Variants in BRD10 observed in about 807,000 individuals in gnomAD.
The protein encoded by BRD10 is uncharacterized bromodomain-containing protein 10.
the BRD10 span, among the ~76,000 whole-genome samples, chr9:5,884,220 C>G: frequency 1.3e-5 from 2 of 152,212 alleles, no homozygotes; most frequent in African/African-American, 4.8e-5. Flanking sequence ...TCATGGCCAC[C>G]TGGGAGGTAG....
the BRD10 span, among the ~76,000 whole-genome samples, chr9:5,999,903 C>T: frequency 7.1e-6 from 1 of 140,208 alleles, no homozygotes; most frequent in Non-Finnish European, 1.5e-5. Flanking sequence ...CCACATACTA[C>T]CTTCTTGCAT....
At chr9:5,944,837 CAATAAT>C in the BRD10 span, 2 of 1,045,178 alleles carry the variant, frequency 1.9e-6, no homozygotes, top group Admixed American at 5.4e-5. Context: ...TTAATGCTGA[CAATAAT>C]AGATAGAACT....
At chr9:5,894,100 A>G in the BRD10 span, among the ~76,000 whole-genome samples, 1 of 152,060 alleles carries the variant, frequency 6.6e-6, no homozygotes, top group African/African-American at 2.4e-5. The surrounding 1 kb of genome is among the most constrained non-coding windows in gnomAD (Gnocchi z 4.0). Context: ...TATTTGCACA[A>G]TCCCATCCGA....
the BRD10 span, among the ~76,000 whole-genome samples, chr9:6,006,186 T>G: frequency 6.6e-6 from 1 of 152,224 alleles, no homozygotes; most frequent in Non-Finnish European, 1.5e-5. Flanking sequence ...TGGCTAACTA[T>G]GGGAGCAGCA....
chr9:5,944,695 T>C, the BRD10 span, among the ~76,000 whole-genome samples: 1 of 151,946 alleles, frequency 6.6e-6, no homozygotes, highest in Non-Finnish European at 1.5e-5. Context: ...ACGATTTCTG[T>C]CTATTAAAAA....
At chr9:5,880,014 G>A in the BRD10 span, among the ~76,000 whole-genome samples, 1 of 151,662 alleles carries the variant, frequency 6.6e-6, no homozygotes, top group African/African-American at 2.4e-5. Flanking sequence ...CCGCCTCCCG[G>A]GTTCCAGAGA....
the BRD10 span, among the ~76,000 whole-genome samples, chr9:6,006,722 A>G: frequency 2.0e-5 from 3 of 152,250 alleles, no homozygotes; most frequent in Non-Finnish European, 4.4e-5. Flanking sequence ...ATCTTCGATG[A>G]CCGACATGGG....
the BRD10 span, among the ~76,000 whole-genome samples, chr9:5,881,339 G>A: frequency 3.4e-4 from 52 of 152,334 alleles, 1 homozygote; most frequent in African/African-American, 1.2e-3. Context: ...TAAAAGACCA[G>A]GTCTTGTGGG....
At chr9:5,921,454 AG>A in the BRD10 span, 1 of 1,613,998 alleles carries the variant, frequency 6.2e-7, no homozygotes, top group Non-Finnish European at 8.5e-7. Flanking sequence ...ATGTACCACT[AG>A]GAACTGGGGC....
the BRD10 span, among the ~76,000 whole-genome samples, chr9:5,930,727 C>T: frequency 6.6e-6 from 1 of 152,024 alleles, no homozygotes; most frequent in Admixed American, 6.6e-5. Flanking sequence ...TCTAGATAGG[C>T]CTCTTTCTTG....
the BRD10 span, among the ~76,000 whole-genome samples, chr9:5,925,010 T>C: frequency 1.5e-4 from 23 of 152,312 alleles, no homozygotes; most frequent in African/African-American, 4.8e-4. Context: ...GTCTTGCCAA[T>C]GCTCAGGAAG....
At chr9:5,882,055 T>C in the BRD10 span, among the ~76,000 whole-genome samples, 4 of 152,234 alleles carry the variant, frequency 2.6e-5, no homozygotes, top group Admixed American at 2.6e-4. Context: ...CATAGTCTCC[T>C]GCAGGATTTT....
At chr9:5,889,947 C>T in the BRD10 span, among the ~76,000 whole-genome samples, 1 of 152,176 alleles carries the variant, frequency 6.6e-6, no homozygotes, top group African/African-American at 2.4e-5. Context: ...AACCCACTAT[C>T]TCCAGTGGAC....
chr9:6,008,110 G>C, the BRD10 span: 39 of 982,782 alleles, frequency 4.0e-5, no homozygotes, highest in Non-Finnish European at 4.6e-5. Context: ...GCTCTTCACC[G>C]GCCAGGCCCT....
chr9:5,976,996 T>A, the BRD10 span, among the ~76,000 whole-genome samples: 2,662 of 152,262 alleles, frequency 0.017, 32 homozygotes, highest in Non-Finnish European at 0.028. Context: ...TTTTGGCCAA[T>A]ATAAAGATTG....
chr9:5,983,252 G>T, the BRD10 span, among the ~76,000 whole-genome samples: 1 of 152,298 alleles, frequency 6.6e-6, no homozygotes, highest in South Asian at 2.1e-4. Flanking sequence ...TTGTAGGGCT[G>T]AACTGGAGTG....
At chr9:5,956,597 C>A in the BRD10 span, among the ~76,000 whole-genome samples, 1 of 152,148 alleles carries the variant, frequency 6.6e-6, no homozygotes, top group Non-Finnish European at 1.5e-5. Context: ...TACTGCTAGG[C>A]ACATGGTAGG....
chr9:5,981,026 T>C, the BRD10 span, among the ~76,000 whole-genome samples: 1 of 152,194 alleles, frequency 6.6e-6, no homozygotes, highest in Non-Finnish European at 1.5e-5. Context: ...ATAAAATCTA[T>C]ACTCTTAGCT....
the BRD10 span, among the ~76,000 whole-genome samples, chr9:5,917,617 T>C: frequency 6.6e-6 from 1 of 152,226 alleles, no homozygotes; most frequent in African/African-American, 2.4e-5. Context: ...GCAGATCACC[T>C]GAGGTGGGCG....
Sources: gnomAD v4.1 joint callset for allele counts (sites outside exome capture counted in the v4.1 genomes callset) on GRCh38, gnomAD v4.1.1 for gene constraint, Gnocchi (gnomAD v3.1) non-coding constraint, MANE v1.5 for transcripts, NCBI Gene and HGNC (gene_info 2026-07-23, HGNC 2026-07-21) for gene names.